The following JMJD1C variants were observed in gnomAD, a reference collection of about 807,000 sequenced individuals.
JMJD1C encodes jumonji domain containing 1C.
A neutral mutation model predicts 245.3 loss-of-function variants in JMJD1C; 31 were observed. The ratio of observed to expected loss-of-function variants is 0.13; its 90% CI spans 0.09 to 0.17. JMJD1C has a LOEUF of 0.17. Among genes scored for constraint, JMJD1C ranks in the 10% least tolerant of loss-of-function variants. JMJD1C has a pLI of 1.00. For synonymous variants in JMJD1C, 1,057 were observed against 1,017.4 expected (o/e 1.04, Z -0.74); for missense variants, 2,691 against 3,000.2 (o/e 0.90, Z 2.41).
At chr10:63,261,016 C>G (rs1482780500) in intron 3 of JMJD1C, among the ~76,000 whole-genome samples, 3 of 152,088 alleles carry the variant, frequency 2.0e-5, no homozygotes, top group Non-Finnish European at 2.9e-5. Context: ...CTTTTCCCTT[C>G]CCCCCTACTT....
At chr10:63,404,381 T>C (rs1949050062) in intron 1 of JMJD1C, among the ~76,000 whole-genome samples, 1 of 152,172 alleles carries the variant, frequency 6.6e-6, no homozygotes, top group Admixed American at 6.5e-5. Flanking sequence ...CTTGGCTTTT[T>C]ATATTCCAGT....
chr10:63,299,752 A>G (rs1355716267), intron 2 of JMJD1C, among the ~76,000 whole-genome samples: 1 of 152,154 alleles, frequency 6.6e-6, no homozygotes, highest in Admixed American at 6.6e-5. Flanking sequence ...ATGAATTCCA[A>G]GAAACTCTAC....
chr10:63,195,607 T>G (rs986305820), intron 13 of JMJD1C, among the ~76,000 whole-genome samples: 1 of 152,112 alleles, frequency 6.6e-6, no homozygotes, highest in Admixed American at 6.6e-5. Context: ...GATATATAGA[T>G]AGTATGGACA....
At chr10:63,288,914 A>G (rs1031211171) in intron 2 of JMJD1C, among the ~76,000 whole-genome samples, 11 of 143,082 alleles carry the variant, frequency 7.7e-5, no homozygotes, top group African/African-American at 3.1e-4. Flanking sequence ...TAATAATAAT[A>G]ATAATAATAA....
chr10:63,293,071 C>G (rs901625547), intron 2 of JMJD1C, among the ~76,000 whole-genome samples: 1 of 152,058 alleles, frequency 6.6e-6, no homozygotes, highest in Non-Finnish European at 1.5e-5. Flanking sequence ...AACAAACAAA[C>G]CATTGCCTAC....
chr10:63,289,699 T>G (rs954859451), intron 2 of JMJD1C, among the ~76,000 whole-genome samples: 2 of 152,186 alleles, frequency 1.3e-5, no homozygotes, highest in African/African-American at 4.8e-5. Flanking sequence ...TTGTAATCCA[T>G]ATTACTTAAA....
intron 1 of JMJD1C, among the ~76,000 whole-genome samples, chr10:63,393,838 CA>C (rs1315381606): frequency 1.3e-5 from 2 of 152,018 alleles, no homozygotes; most frequent in African/African-American, 4.8e-5. Context: ...TGAAAAAGAA[CA>C]AAGAGTTGCA....
intron 2 of JMJD1C, among the ~76,000 whole-genome samples, chr10:63,278,922 C>T (rs890093569): frequency 4.6e-5 from 7 of 151,952 alleles, no homozygotes; most frequent in African/African-American, 1.4e-4. Context: ...CTCATTATCG[C>T]TTGAAAGCTA....
chr10:63,479,369 ACTTTT>A (rs1277106011), intron 1 of JMJD1C, among the ~76,000 whole-genome samples: 1 of 151,838 alleles, frequency 6.6e-6, no homozygotes, highest in Admixed American at 6.6e-5. Flanking sequence ...TCCATTAAAG[ACTTTT>A]CTTTAAAGTA....
rs529321102 is a variant in JMJD1C, at chr10:63,273,421, C to G, written c.334-8657G>C. On this transcript the variant is annotated intron_variant, in intron 2 of 25. Coordinates refer to ENST00000399262, the MANE Select transcript of JMJD1C (RefSeq NM_032776.3). ...GTCTGGTACTCTGGTAAATTTTTAA[C>G]ACAAACAAAAATAATGAAGTAATGA... is the stretch of plus-strand genomic sequence containing the variant. Among the ~76,000 whole-genome samples, 3 of 152,286 alleles carry G rather than the reference C, an allele frequency of 2.0e-5. No homozygotes were observed. The East Asian group carries it at 5.8e-4, about 29-fold the overall frequency.
chr10:63,247,719 C>CAAAAAAAAAAAAA (rs71025135), intron 3 of JMJD1C, among the ~76,000 whole-genome samples: 2 of 105,470 alleles, frequency 1.9e-5, no homozygotes, highest in East Asian at 3.1e-4. Context: ...GTGACAGAGC[C>CAAAAAAAAAAAAA]AAAAAAAAAA....
intron 21 of JMJD1C, 69 bp downstream of exon 21, chr10:63,184,539 C>T (rs1419688076): frequency 5.6e-6 from 8 of 1,438,360 alleles, no homozygotes; most frequent in Admixed American, 2.2e-5. Flanking sequence ...CCACTATGCC[C>T]GGCCTGAGCA....
At chr10:63,362,292 A>T (rs2134369194) in intron 2 of JMJD1C, among the ~76,000 whole-genome samples, 1 of 151,920 alleles carries the variant, frequency 6.6e-6, no homozygotes. Flanking sequence ...AAAATCAAGA[A>T]ATTCCTTTTA....
At chr10:63,502,218 A>C (rs1219537914) in intron 1 of JMJD1C, among the ~76,000 whole-genome samples, 2 of 152,212 alleles carry the variant, frequency 1.3e-5, no homozygotes, top group Non-Finnish European at 2.9e-5. Context: ...CCTTTCTCCC[A>C]AGTAAGGTTA....
chr10:63,216,688 C>G (rs778412360), intron 5 of JMJD1C, among the ~76,000 whole-genome samples: 7 of 151,798 alleles, frequency 4.6e-5, no homozygotes, highest in African/African-American at 1.7e-4. Context: ...CCAGCCTGGG[C>G]GACAGAGCGA....
chr10:63,304,082 C>T (rs1449552654), intron 2 of JMJD1C, among the ~76,000 whole-genome samples: 1 of 58,358 alleles, frequency 1.7e-5, no homozygotes, highest in East Asian at 4.3e-4. Flanking sequence ...AAGGACTTTG[C>T]CTTACTTATC....
At chr10:63,206,566 C>T in intron 10 of JMJD1C, 29 bp downstream of exon 10, 3 of 1,522,574 alleles carry the variant, frequency 2.0e-6, no homozygotes. Context: ...GCCCATTTTA[C>T]CTGAGATAAA....
At chr10:63,225,780 C>CAA (rs36089482) in intron 3 of JMJD1C, among the ~76,000 whole-genome samples, 13 of 94,626 alleles carry the variant, frequency 1.4e-4, no homozygotes, top group Admixed American at 3.4e-4. Flanking sequence ...ACTGCATCTC[C>CAA]AAAAAAAAAA....
At chr10:63,268,364 A>AC (rs1228243968) in intron 2 of JMJD1C, among the ~76,000 whole-genome samples, 1 of 152,120 alleles carries the variant, frequency 6.6e-6, no homozygotes, top group Non-Finnish European at 1.5e-5. Context: ...ACCAAAAAAA[A>AC]ACCTTACAAA....
Sources: gnomAD v4.1 joint callset for allele counts (sites outside exome capture counted in the v4.1 genomes callset) on GRCh38, gnomAD v4.1.1 for gene constraint, MANE v1.5 for transcripts, NCBI Gene and HGNC (gene_info 2026-07-23, HGNC 2026-07-21) for gene names.